Variants in PCDH17 observed in about 807,000 individuals in gnomAD.
PCDH17 encodes the protein protocadherin 17.
A neutral mutation model predicts 67.7 loss-of-function variants in PCDH17; 21 were observed. The ratio of observed to expected loss-of-function variants is 0.31; its 90% CI spans 0.22 to 0.45. PCDH17 has a LOEUF of 0.45. PCDH17 is among the 20% of genes least tolerant of loss of function. The probability of loss-of-function intolerance (pLI) is 1.00; values close to 1 mark genes in which losing one functional copy is unlikely to be tolerated. For missense variants in PCDH17, 1,471 were observed against 1,564.8 expected (o/e 0.94, Z 1.01); for synonymous variants, 701 against 656.7 (o/e 1.07, Z -1.03).
At chr13:57,696,366 T>C (rs1955608796) in intron 3 of PCDH17, among the ~76,000 whole-genome samples, 1 of 151,432 alleles carries the variant, frequency 6.6e-6, no homozygotes, top group South Asian at 2.1e-4. Flanking sequence ...AAAAAGTGGG[T>C]TTTAATTTCG....
At chr13:57,686,537 C>A (rs1301279792) in intron 3 of PCDH17, among the ~76,000 whole-genome samples, 5 of 151,664 alleles carry the variant, frequency 3.3e-5, no homozygotes, top group Admixed American at 3.3e-4. Context: ...GTGATATGAA[C>A]CAGAATTTAT....
At chr13:57,697,748 T>C (rs1438932566) in intron 3 of PCDH17, among the ~76,000 whole-genome samples, 1 of 151,336 alleles carries the variant, frequency 6.6e-6, no homozygotes, top group Non-Finnish European at 1.5e-5. Flanking sequence ...TTTAATATAT[T>C]CATCCTAGAG....
intron 3 of PCDH17, among the ~76,000 whole-genome samples, chr13:57,720,474 ATTG>A (rs1955863339): frequency 6.6e-6 from 1 of 151,956 alleles, no homozygotes; most frequent in Non-Finnish European, 1.5e-5. Flanking sequence ...TACATAAAAT[ATTG>A]TTATTTTATT....
At chr13:57,655,081 A>C (rs1021547147) in intron 1 of PCDH17, among the ~76,000 whole-genome samples, 1 of 152,002 alleles carries the variant, frequency 6.6e-6, no homozygotes, top group African/African-American at 2.4e-5. Context: ...GTCATAAAAA[A>C]GTAAAAATTA....
rs967194241 is a variant in PCDH17 at position 57,632,081 on chromosome 13, A to G, written c.-466A>G. ...CTGCTCCCTCCCCCACTCGATGTGAAGAGTATTCCGGAGTCTCCGGGCGGG... is the reference window on the plus strand; with the variant it reads ...CTGCTCCCTCCCCCACTCGATGTGAGGAGTATTCCGGAGTCTCCGGGCGGG... On this transcript the variant is annotated 5_prime_UTR_variant, in exon 1 of 4. Coordinates refer to ENST00000377918, the MANE Select transcript of PCDH17 (RefSeq NM_001040429.3). 2 of 200,692 alleles carry G rather than the reference A, an allele frequency of 1.0e-5. No individual in the cohort carries two copies. Among genetic ancestry groups the G allele is most frequent in the Admixed American group, 1.1e-4 (2 of 18,102 alleles). 12.4% of individuals were successfully genotyped at this position (200,692 alleles called of 1,614,324 possible).
At chr13:57,690,951 A>G (rs1000522430) in intron 3 of PCDH17, among the ~76,000 whole-genome samples, 1 of 151,492 alleles carries the variant, frequency 6.6e-6, no homozygotes, top group Non-Finnish European at 1.5e-5. Context: ...TAAATGCAGT[A>G]TCAACATTTT....
intron 1 of PCDH17, among the ~76,000 whole-genome samples, chr13:57,638,807 C>T (rs1954855998): frequency 6.6e-6 from 1 of 151,816 alleles, no homozygotes; most frequent in Admixed American, 6.6e-5. Context: ...TGAAAGGAGA[C>T]TCCATCTTTA....
intron 3 of PCDH17, among the ~76,000 whole-genome samples, chr13:57,688,074 C>G (rs972871782): frequency 6.6e-6 from 1 of 152,014 alleles, no homozygotes; most frequent in Admixed American, 6.6e-5. Context: ...CAATCATTCT[C>G]CTACCCCCCC....
intron 3 of PCDH17, among the ~76,000 whole-genome samples, chr13:57,712,423 T>C (rs73207467): frequency 6.6e-6 from 1 of 151,862 alleles, no homozygotes; most frequent in Non-Finnish European, 1.5e-5. Context: ...AGAAGATTAC[T>C]GCTATTTTCC....
At chr13:57,666,120 T>C (rs927793525) in intron 1 of PCDH17, among the ~76,000 whole-genome samples, 3 of 152,168 alleles carry the variant, frequency 2.0e-5, no homozygotes, top group African/African-American at 4.8e-5. Context: ...TTCACACTTT[T>C]AATATGGAGA....
In PCDH17 at chr13:57,632,503, C is replaced by T. The variant is rs1367761941; in HGVS notation, c.-44C>T. On this transcript the variant is annotated 5_prime_UTR_variant, in exon 1 of 4. Transcript: ENST00000377918. ...AGGCTGGCGCGCACTCCCTCTCTGG[C>T]TCCTCCAGTCCGATTGCTCCTGCCC... 2.5e-6 allele frequency: 4 copies of T among 1,573,616 alleles called. No homozygotes were observed. The highest frequency in any genetic ancestry group is 3.8e-5 in the Admixed American group (2 of 53,306).
intron 3 of PCDH17, among the ~76,000 whole-genome samples, chr13:57,690,701 T>C (rs1955550583): frequency 6.6e-6 from 1 of 151,580 alleles, no homozygotes; most frequent in Non-Finnish European, 1.5e-5. Flanking sequence ...TCAATAAAAC[T>C]GAAAATTTTC....
intron 3 of PCDH17, among the ~76,000 whole-genome samples, chr13:57,670,064 T>G (rs1168661423): frequency 3.9e-5 from 6 of 152,044 alleles, no homozygotes; most frequent in Non-Finnish European, 8.8e-5. Context: ...TTTTTAATAT[T>G]CTGTAGTTAT....
chr13:57,706,123 A>G (rs1429912794), intron 3 of PCDH17, among the ~76,000 whole-genome samples: 1 of 152,106 alleles, frequency 6.6e-6, no homozygotes, highest in Admixed American at 6.6e-5. Context: ...ACAAAACTGA[A>G]AAAAAAGCAA....
chr13:57,724,568 A>G, intron 3 of PCDH17, 44 bp from the exon 4 acceptor site: 1 of 1,519,204 alleles, frequency 6.6e-7, no homozygotes, highest in Non-Finnish European at 9.0e-7. Context: ...AATTTAAAGA[A>G]AACTCTAATG....
In PCDH17 at chr13:57,726,739, T is replaced by G. The variant is rs950665885; in HGVS notation, c.*1445T>G. On this transcript the variant is annotated 3_prime_UTR_variant, in exon 4 of 4. Coordinates refer to ENST00000377918, the MANE Select transcript of PCDH17 (RefSeq NM_001040429.3). ...TGTACCAATATCTGAAACTTCTTCA[T>G]GTTTTTTCAATAACATACAGCTTCT... 6.6e-6 allele frequency: 1 copy of G among 152,322 alleles called. No individual in the cohort carries two copies. Among genetic ancestry groups the G allele is most frequent in the African/African-American group, 2.4e-5 (1 of 41,472 alleles). 9.4% of individuals were successfully genotyped at this position (152,322 alleles called of 1,614,324 possible).
intron 3 of PCDH17, among the ~76,000 whole-genome samples, chr13:57,695,267 A>C (rs2138067446): frequency 6.6e-6 from 1 of 151,396 alleles, no homozygotes. Context: ...TTAAAATATT[A>C]AATAACTGAA....
intron 1 of PCDH17, among the ~76,000 whole-genome samples, chr13:57,643,543 C>T (rs900621932): frequency 1.3e-5 from 2 of 151,384 alleles, no homozygotes; most frequent in African/African-American, 4.8e-5. Flanking sequence ...TTCTTGGGTC[C>T]CACCAGAATT....
At chr13:57,653,234 CA>C (rs1709300654) in intron 1 of PCDH17, among the ~76,000 whole-genome samples, 1 of 152,032 alleles carries the variant, frequency 6.6e-6, no homozygotes, top group Admixed American at 6.6e-5. Context: ...TTATTCTAGT[CA>C]AAATGGTCCA....
Sources: gnomAD v4.1 joint callset for allele counts (sites outside exome capture counted in the v4.1 genomes callset) on GRCh38, gnomAD v4.1.1 for gene constraint, MANE v1.5 for transcripts, NCBI Gene and HGNC (gene_info 2026-07-23, HGNC 2026-07-21) for gene names.